Variants in ENTREP2 observed in about 807,000 individuals in gnomAD.
The protein encoded by ENTREP2 is protein ENTREP2.
At chr15:29,487,823 G>A in the ENTREP2 span, among the ~76,000 whole-genome samples, 11 of 152,184 alleles carry the variant, frequency 7.2e-5, no homozygotes, top group Non-Finnish European at 1.6e-4. Context: ...CTCCAGAGCA[G>A]CTGGGATTAC....
At chr15:29,155,459 T>C in the ENTREP2 span, among the ~76,000 whole-genome samples, 1 of 152,138 alleles carries the variant, frequency 6.6e-6, no homozygotes, top group Non-Finnish European at 1.5e-5. Context: ...TTTCAGGCAG[T>C]TCTTTTCCCA....
the ENTREP2 span, among the ~76,000 whole-genome samples, chr15:29,360,498 T>C: frequency 3.3e-5 from 5 of 152,350 alleles, no homozygotes; most frequent in East Asian, 5.8e-4. Flanking sequence ...TAGATTAATT[T>C]TGATATCTGT....
At chr15:29,174,588 C>G in the ENTREP2 span, among the ~76,000 whole-genome samples, 2 of 151,988 alleles carry the variant, frequency 1.3e-5, no homozygotes, top group African/African-American at 4.8e-5. Context: ...ACTTGGGAGG[C>G]TGAGGCAGGA....
At chr15:29,564,498 T>C in the ENTREP2 span, among the ~76,000 whole-genome samples, 3 of 152,196 alleles carry the variant, frequency 2.0e-5, no homozygotes, top group Non-Finnish European at 2.9e-5. Context: ...AGGGAGGACT[T>C]ACTGTACGTT....
At chr15:29,494,823 A>G in the ENTREP2 span, among the ~76,000 whole-genome samples, 6 of 152,138 alleles carry the variant, frequency 3.9e-5, no homozygotes, top group Admixed American at 3.9e-4. Flanking sequence ...ATGTTGTTCA[A>G]AAAGGCAGGA....
the ENTREP2 span, among the ~76,000 whole-genome samples, chr15:29,162,039 C>T: frequency 5.9e-5 from 9 of 152,152 alleles, no homozygotes; most frequent in Non-Finnish European, 1.3e-4. Flanking sequence ...CAAACACACA[C>T]GCCCACTGGA....
the ENTREP2 span, among the ~76,000 whole-genome samples, chr15:29,306,694 T>C: frequency 2.5e-5 from 2 of 79,418 alleles, no homozygotes; most frequent in Admixed American, 1.3e-4. Context: ...TTTTTTTTTT[T>C]TTTTTTTTTT....
the ENTREP2 span, among the ~76,000 whole-genome samples, chr15:29,434,711 T>C: frequency 2.6e-5 from 4 of 152,188 alleles, no homozygotes; most frequent in African/African-American, 9.6e-5. Context: ...TTACAGCTCA[T>C]CCATGCTCCT....
At chr15:29,513,516 G>A in the ENTREP2 span, among the ~76,000 whole-genome samples, 3 of 152,202 alleles carry the variant, frequency 2.0e-5, no homozygotes, top group East Asian at 5.8e-4. Flanking sequence ...GTGGAGGGAA[G>A]ACACAGTGTT....
the ENTREP2 span, among the ~76,000 whole-genome samples, chr15:29,261,858 T>C: frequency 2.7e-5 from 4 of 150,346 alleles, no homozygotes; most frequent in Non-Finnish European, 5.9e-5. Flanking sequence ...ATTGTAAAGA[T>C]AAATATATTG....
the ENTREP2 span, among the ~76,000 whole-genome samples, chr15:29,669,322 G>A: frequency 6.6e-6 from 1 of 152,162 alleles, no homozygotes; most frequent in East Asian, 1.9e-4. Context: ...ATGGATTAAT[G>A]TGTTATCACA....
chr15:29,236,856 C>A, the ENTREP2 span, among the ~76,000 whole-genome samples: 2 of 151,370 alleles, frequency 1.3e-5, no homozygotes, highest in African/African-American at 2.4e-5. Flanking sequence ...ATACTGAAAC[C>A]AGACAAAGAT....
the ENTREP2 span, chr15:29,375,700 TC>T: frequency 6.6e-6 from 1 of 152,198 alleles, no homozygotes; most frequent in South Asian, 2.1e-4. Context: ...TGTGCTGCCA[TC>T]TAACTAGGGT....
chr15:29,222,719 C>T, the ENTREP2 span, among the ~76,000 whole-genome samples: 15 of 152,204 alleles, frequency 9.9e-5, no homozygotes, highest in Non-Finnish European at 2.2e-4. Context: ...AGTCTCCAGA[C>T]ATTCCAGCTT....
the ENTREP2 span, among the ~76,000 whole-genome samples, chr15:29,297,875 A>G: frequency 9.2e-5 from 14 of 152,242 alleles, no homozygotes; most frequent in Admixed American, 9.2e-4. Flanking sequence ...AAAGACTTTA[A>G]AAAAATCCAA....
chr15:29,597,569 A>AG, the ENTREP2 span, among the ~76,000 whole-genome samples: 114 of 42,060 alleles, frequency 2.7e-3, no homozygotes, highest in Non-Finnish European at 5.3e-3. Flanking sequence ...ACTCTGTCTC[A>AG]AAAAAAAAAA....
At chr15:29,413,366 G>C in the ENTREP2 span, among the ~76,000 whole-genome samples, 1 of 152,220 alleles carries the variant, frequency 6.6e-6, no homozygotes, top group Non-Finnish European at 1.5e-5. Context: ...ATGACAGATT[G>C]ATCGATTTCT....
At chr15:29,207,843 C>T in the ENTREP2 span, among the ~76,000 whole-genome samples, 1 of 152,164 alleles carries the variant, frequency 6.6e-6, no homozygotes, top group African/African-American at 2.4e-5. Flanking sequence ...GCCAGCTCAT[C>T]ACTGGAGGGT....
chr15:29,308,058 G>A, the ENTREP2 span, among the ~76,000 whole-genome samples: 1 of 152,148 alleles, frequency 6.6e-6, no homozygotes, highest in Non-Finnish European at 1.5e-5. Flanking sequence ...TTCTGAGAGA[G>A]AAAAATTTTA....
Sources: gnomAD v4.1 joint callset for allele counts (sites outside exome capture counted in the v4.1 genomes callset) on GRCh38, gnomAD v4.1.1 for gene constraint, MANE v1.5 for transcripts, NCBI Gene and HGNC (gene_info 2026-07-23, HGNC 2026-07-21) for gene names.